Variants in EYS observed in about 807,000 individuals in gnomAD.
EYS encodes the protein EGF-like photoreceptor maintenance factor.
EYS carries 250 observed loss-of-function variants against 282.1 expected under a neutral mutation model. The observed-to-expected ratio is 0.89, with a 90% CI of 0.80 to 0.98. The LOEUF is 0.98. Ranked by LOEUF, EYS falls within the 50% of genes least tolerant of loss-of-function variation. The pLI is 0.00. For synonymous variants in EYS, 1,355 were observed against 1,282.9 expected (o/e 1.06, Z -1.20); for missense variants, 4,016 against 3,709.0 (o/e 1.08, Z -2.15).
chr6:65,434,360 G>A (rs933973202), intron 5 of EYS, among the ~76,000 whole-genome samples: 6 of 144,326 alleles, frequency 4.2e-5, no homozygotes, highest in Admixed American at 1.5e-4. Context: ...TCGCTCTGTT[G>A]CCCAGGCTGG....
intron 34 of EYS, among the ~76,000 whole-genome samples, chr6:63,996,232 C>G (rs1202563900): frequency 6.6e-6 from 1 of 151,800 alleles, no homozygotes; most frequent in Non-Finnish European, 1.5e-5. Context: ...CCACAGAGTA[C>G]AAATACTGTA....
At chr6:63,735,812 T>C (rs1768897589) in intron 41 of EYS, among the ~76,000 whole-genome samples, 1 of 151,868 alleles carries the variant, frequency 6.6e-6, no homozygotes. Flanking sequence ...TCATATTTCT[T>C]CAATCTGGAA....
intron 12 of EYS, among the ~76,000 whole-genome samples, chr6:65,181,648 G>T (rs1031490567): frequency 2.6e-5 from 4 of 152,250 alleles, no homozygotes; most frequent in African/African-American, 9.6e-5. Context: ...AAATCAGTGT[G>T]GCGATTCCTT....
At chr6:65,282,564 A>G (rs1413672867) in intron 12 of EYS, among the ~76,000 whole-genome samples, 1 of 152,016 alleles carries the variant, frequency 6.6e-6, no homozygotes, top group Non-Finnish European at 1.5e-5. Context: ...ATTTTACTAC[A>G]TGATTATAGA....
At chr6:64,281,826 A>G (rs547053969) in intron 30 of EYS, among the ~76,000 whole-genome samples, 2 of 152,262 alleles carry the variant, frequency 1.3e-5, no homozygotes, top group South Asian at 4.1e-4. Flanking sequence ...TATTAATAGA[A>G]GAAGGAAGAG....
At chr6:64,945,267 C>G (rs1769247447) in intron 15 of EYS, among the ~76,000 whole-genome samples, 1 of 151,792 alleles carries the variant, frequency 6.6e-6, no homozygotes, top group South Asian at 2.1e-4. Context: ...ACATAAACAC[C>G]TACTCAGAAT....
chr6:64,353,762 C>A (rs1771727537), intron 29 of EYS, among the ~76,000 whole-genome samples: 1 of 151,532 alleles, frequency 6.6e-6, no homozygotes, highest in Admixed American at 6.6e-5. Flanking sequence ...GCTTGGGGGA[C>A]ACCACCACCA....
rs181592202 is a variant in EYS, at chr6:65,520,855, T to C, written c.-332-24862A>G. Among the ~76,000 whole-genome samples the C allele has an allele frequency of 5.3e-5, 8 of 152,236 alleles. No homozygotes were observed. The East Asian group carries it at 7.7e-4, about 15-fold the overall frequency. On this transcript the variant is annotated intron_variant, in intron 2 of 42. Transcript: ENST00000503581. ...TGGATTTTACAGAGTGAGAATTTCA[T>C]TGGACGAAGGGTAGTCCAATTTTAG...
intron 22 of EYS, among the ~76,000 whole-genome samples, chr6:64,749,158 A>G (rs868802855): frequency 1.3e-5 from 2 of 152,236 alleles, no homozygotes; most frequent in African/African-American, 4.8e-5. Flanking sequence ...AAAATATGGT[A>G]TACAAGAGAT....
intron 26 of EYS, among the ~76,000 whole-genome samples, chr6:64,493,715 T>C (rs1348823162): frequency 2.0e-5 from 3 of 151,550 alleles, no homozygotes; most frequent in Non-Finnish European, 3.0e-5. Context: ...TTGTTACACA[T>C]GTATACATGC....
At chr6:64,757,041 A>G (rs192265470) in intron 22 of EYS, among the ~76,000 whole-genome samples, 23 of 152,236 alleles carry the variant, frequency 1.5e-4, no homozygotes, top group African/African-American at 5.1e-4. Flanking sequence ...CCCCAAACTA[A>G]TATCTGATTT....
chr6:65,084,775 T>C (rs1359527156), intron 12 of EYS, among the ~76,000 whole-genome samples: 1 of 152,148 alleles, frequency 6.6e-6, no homozygotes, highest in South Asian at 2.1e-4. Context: ...AGTTTAAAAA[T>C]ATTCTTGAAA....
At chr6:64,283,631 T>C (rs1050881912) in intron 30 of EYS, among the ~76,000 whole-genome samples, 1 of 152,212 alleles carries the variant, frequency 6.6e-6, no homozygotes, top group African/African-American at 2.4e-5. Flanking sequence ...TTCTATCTTA[T>C]AACAGGGGTA....
intron 11 of EYS, among the ~76,000 whole-genome samples, chr6:65,299,997 G>C (rs35233155): frequency 0.19 from 29,627 of 152,132 alleles, 3,492 homozygotes; most frequent in Middle Eastern, 0.26. Flanking sequence ...TGTGTTTAGT[G>C]ATATCATTTG....
chr6:64,404,645 G>A (rs1773650090), intron 28 of EYS, among the ~76,000 whole-genome samples: 3 of 152,140 alleles, frequency 2.0e-5, no homozygotes, highest in Non-Finnish European at 2.9e-5. Flanking sequence ...AATCTCAAGG[G>A]AGAGGACAAT....
chr6:64,241,657 TTGTGTGTG>T (rs367952253), intron 30 of EYS, among the ~76,000 whole-genome samples: 1 of 149,152 alleles, frequency 6.7e-6, no homozygotes, highest in Non-Finnish European at 1.5e-5. Flanking sequence ...TTGAAGGTTT[TTGTGTGTG>T]TGTGTGTGTG....
At chr6:65,168,332 G>T (rs1765023937) in intron 12 of EYS, among the ~76,000 whole-genome samples, 1 of 151,174 alleles carries the variant, frequency 6.6e-6, no homozygotes, top group Non-Finnish European at 1.5e-5. Flanking sequence ...AGTCTTAGTC[G>T]ATTTAGGGCT....
intron 35 of EYS, among the ~76,000 whole-genome samples, chr6:63,884,074 A>G (rs950256211): frequency 2.0e-5 from 3 of 152,182 alleles, no homozygotes; most frequent in Non-Finnish European, 4.4e-5. Context: ...AACCCTTACT[A>G]TGCTGTGAAG....
At chr6:64,991,276 A>G (rs1314114265) in intron 14 of EYS, among the ~76,000 whole-genome samples, 1 of 151,614 alleles carries the variant, frequency 6.6e-6, no homozygotes, top group African/African-American at 2.4e-5. Flanking sequence ...TTTATTCTAT[A>G]TAAACATAGC....
Sources: allele counts gnomAD v4.1 joint callset (sites outside exome capture counted in the v4.1 genomes callset), GRCh38; gene constraint gnomAD v4.1.1; transcripts MANE v1.5; gene names NCBI Gene and HGNC (gene_info 2026-07-23, HGNC 2026-07-21).